Variants in CEP70 observed in about 807,000 individuals in gnomAD.
CEP70 encodes centrosomal protein 70.
A neutral mutation model predicts 90.9 loss-of-function variants in CEP70; 70 were observed. The observed-to-expected ratio is 0.77, with a 90% CI of 0.64 to 0.94. CEP70 has a LOEUF of 0.94. Ranked by LOEUF, CEP70 falls within the 40% of genes least tolerant of loss-of-function variation. The pLI, the probability that CEP70 is intolerant of heterozygous loss-of-function variation, is 0.00. For missense variants in CEP70, 648 were observed against 669.0 expected (o/e 0.97, Z 0.35); for synonymous variants, 220 against 228.3 (o/e 0.96, Z 0.33).
At chr3:138,524,130 T>C (rs2108807470) in intron 11 of CEP70, among the ~76,000 whole-genome samples, 1 of 149,394 alleles carries the variant, frequency 6.7e-6, no homozygotes, top group African/African-American at 2.5e-5. Flanking sequence ...GGGGAAAGGA[T>C]TCCCTATTTA....
At chr3:138,536,140 A>C (rs1021008513) in intron 7 of CEP70, among the ~76,000 whole-genome samples, 2 of 152,088 alleles carry the variant, frequency 1.3e-5, no homozygotes, top group Non-Finnish European at 2.9e-5. Flanking sequence ...CTTAAAATGC[A>C]ATCAGTTTAA....
At chr3:138,547,072 C>G (rs1450523433) in intron 6 of CEP70, among the ~76,000 whole-genome samples, 1 of 152,196 alleles carries the variant, frequency 6.6e-6, no homozygotes, top group Non-Finnish European at 1.5e-5. Flanking sequence ...GGATGTGACT[C>G]ATGGCTACTC....
chr3:138,570,943 A>C, intron 5 of CEP70, 91 bp downstream of exon 5: 1 of 1,102,316 alleles, frequency 9.1e-7, no homozygotes, highest in Non-Finnish European at 1.3e-6. Context: ...ATTTAATCAA[A>C]ATGGGAAATT....
intron 11 of CEP70, among the ~76,000 whole-genome samples, chr3:138,514,854 C>A (rs183507035): frequency 6.6e-6 from 1 of 152,046 alleles, no homozygotes; most frequent in African/African-American, 2.4e-5. Context: ...TACCAGTAAC[C>A]TGTATAACTT....
chr3:138,591,610 T>C (rs1481849751), intron 2 of CEP70, among the ~76,000 whole-genome samples: 1 of 152,210 alleles, frequency 6.6e-6, no homozygotes, highest in Non-Finnish European at 1.5e-5. Flanking sequence ...TAAAGCATTG[T>C]CTGGCACACA....
chr3:138,564,770 C>T (rs1238778593), intron 6 of CEP70, among the ~76,000 whole-genome samples: 1 of 152,134 alleles, frequency 6.6e-6, no homozygotes, highest in Non-Finnish European at 1.5e-5. Context: ...AGAAGCACTC[C>T]CTTTGAAAAC....
At chr3:138,535,238 C>CA (rs1170472079) in intron 7 of CEP70, among the ~76,000 whole-genome samples, 2 of 152,164 alleles carry the variant, frequency 1.3e-5, no homozygotes, top group African/African-American at 2.4e-5. Flanking sequence ...CTAATTGAAA[C>CA]ATCCTTTCTC....
At chr3:138,512,929 A>T (rs1014089654) in intron 11 of CEP70, among the ~76,000 whole-genome samples, 3 of 152,222 alleles carry the variant, frequency 2.0e-5, no homozygotes, top group Non-Finnish European at 2.9e-5. Flanking sequence ...TCAAAGCTAT[A>T]CTGTTCCCCG....
intron 6 of CEP70, among the ~76,000 whole-genome samples, chr3:138,559,962 G>A (rs2040280705): frequency 6.6e-6 from 1 of 152,166 alleles, no homozygotes; most frequent in Non-Finnish European, 1.5e-5. Flanking sequence ...TGTTGATGAG[G>A]ACATAAAGAA....
chr3:138,517,492 C>T (rs1164250753), intron 11 of CEP70, among the ~76,000 whole-genome samples: 2 of 152,090 alleles, frequency 1.3e-5, no homozygotes, highest in Non-Finnish European at 2.9e-5. Context: ...CAGTGAAACC[C>T]CGTCTCTACT....
chr3:138,585,256 A>G (rs1673622), intron 2 of CEP70, among the ~76,000 whole-genome samples: 68,719 of 151,968 alleles, frequency 0.45, 17,276 homozygotes, highest in Admixed American at 0.6. Flanking sequence ...AACAAGGACA[A>G]TCTGAAAAAG....
At chr3:138,527,435 G>C (rs1283027244) in intron 10 of CEP70, among the ~76,000 whole-genome samples, 1 of 151,706 alleles carries the variant, frequency 6.6e-6, no homozygotes, top group Non-Finnish European at 1.5e-5. Context: ...GGTGGCTCAC[G>C]CTTGTAATTA....
intron 6 of CEP70, among the ~76,000 whole-genome samples, chr3:138,569,728 C>T (rs916598349): frequency 6.6e-6 from 1 of 152,032 alleles, no homozygotes. Flanking sequence ...ATTAGCCAGG[C>T]GTGGTGGCAT....
At chr3:138,525,422 A>G (rs2037123696) in intron 11 of CEP70, 68 bp downstream of exon 11, 2 of 554,926 alleles carry the variant, frequency 3.6e-6, no homozygotes, top group South Asian at 8.5e-5. Flanking sequence ...ATAAAAATAA[A>G]AATAAAAATA....
At chr3:138,524,189 T>G (rs1365522632) in intron 11 of CEP70, among the ~76,000 whole-genome samples, 1 of 151,138 alleles carries the variant, frequency 6.6e-6, no homozygotes, top group Non-Finnish European at 1.5e-5. Context: ...AAGCTGAAAC[T>G]GGATTCCTTC....
At chr3:138,591,725 T>G in intron 2 of CEP70, 129 bp downstream of exon 2, 1 of 783,942 alleles carries the variant, frequency 1.3e-6, no homozygotes, top group South Asian at 1.6e-5. Flanking sequence ...TTGTAAAATA[T>G]CTACCTGATA....
chr3:138,550,631 G>A (rs2039549089), intron 6 of CEP70, among the ~76,000 whole-genome samples: 1 of 152,190 alleles, frequency 6.6e-6, no homozygotes, highest in African/African-American at 2.4e-5. Flanking sequence ...CCAAAGTGCT[G>A]GGATTACAGG....
intron 11 of CEP70, among the ~76,000 whole-genome samples, chr3:138,524,945 C>T (rs998241352): frequency 3.9e-5 from 6 of 152,308 alleles, no homozygotes; most frequent in African/African-American, 1.2e-4. Context: ...AATCATGCTG[C>T]TATAAAGGCA....
chr3:138,548,964 G>A (rs909974737), intron 6 of CEP70, among the ~76,000 whole-genome samples: 1 of 152,128 alleles, frequency 6.6e-6, no homozygotes, highest in African/African-American at 2.4e-5. Flanking sequence ...TCTAGCTCAT[G>A]GGACAGGATT....
Sources: allele counts gnomAD v4.1 joint callset (sites outside exome capture counted in the v4.1 genomes callset), GRCh38; gene constraint gnomAD v4.1.1; transcripts MANE v1.5; gene names NCBI Gene and HGNC (gene_info 2026-07-23, HGNC 2026-07-21).